The following LYRM4 variants were observed in gnomAD, a reference collection of about 807,000 sequenced individuals.
The protein encoded by LYRM4 is LYR motif containing 4.
A neutral mutation model predicts 11.7 loss-of-function variants in LYRM4; 9 were observed. The ratio of observed to expected loss-of-function variants is 0.77; its 90% confidence interval spans 0.46 to 1.34. The LOEUF (loss-of-function observed/expected upper bound fraction) is 1.34. LYRM4 is among the 40% of genes most tolerant of loss of function. LYRM4 has a pLI of 0.00. For missense variants in LYRM4, 133 were observed against 112.5 expected (o/e 1.18, Z -0.82); for synonymous variants, 42 against 40.4 (o/e 1.04, Z -0.15).
At chr6:5,130,085 G>C (rs1561816120) in intron 2 of LYRM4, among the ~76,000 whole-genome samples, 1 of 152,244 alleles carries the variant, frequency 6.6e-6, no homozygotes, top group Non-Finnish European at 1.5e-5. Context: ...AGAGGTACTA[G>C]AGAGAGGAAT....
intron 2 of LYRM4, among the ~76,000 whole-genome samples, chr6:5,120,574 C>T (rs112458114): frequency 0.014 from 2,077 of 152,310 alleles, 32 homozygotes; most frequent in South Asian, 0.086. Context: ...GTTGCTGCTG[C>T]TGGCTGGGGG....
At chr6:5,188,288 A>AG (rs1181745423) in intron 2 of LYRM4, among the ~76,000 whole-genome samples, 2 of 152,112 alleles carry the variant, frequency 1.3e-5, no homozygotes, top group African/African-American at 4.8e-5. Flanking sequence ...CTGAGGTGGG[A>AG]GGATCGCTTG....
At chr6:5,151,084 ATTTTTTTTT>A (rs10599613) in intron 2 of LYRM4, among the ~76,000 whole-genome samples, 2 of 136,744 alleles carry the variant, frequency 1.5e-5, no homozygotes, top group East Asian at 2.2e-4. Context: ...TTTGTTTTGA[ATTTTTTTTT>A]TTTTTTTTTG....
chr6:5,052,104 AGC>A, the LYRM4 span, among the ~76,000 whole-genome samples: 3 of 152,218 alleles, frequency 2.0e-5, no homozygotes, highest in Admixed American at 2.0e-4. Context: ...TCCAAACTGT[AGC>A]ACCTGCCTTG....
At chr6:5,235,218 T>C (rs960942224) in intron 1 of LYRM4, among the ~76,000 whole-genome samples, 1 of 152,112 alleles carries the variant, frequency 6.6e-6, no homozygotes, top group South Asian at 2.1e-4. Flanking sequence ...TTTTGGCTCA[T>C]GGCAACCTCC....
chr6:5,074,635 T>C, the LYRM4 span, among the ~76,000 whole-genome samples: 2 of 150,626 alleles, frequency 1.3e-5, no homozygotes, highest in Non-Finnish European at 2.9e-5. Flanking sequence ...TTTTTTTTTT[T>C]AATTATACTT....
In LYRM4 at chr6:5,249,028, G is replaced by T. The variant is rs553569590; in HGVS notation, c.86+11620C>A. On this transcript the variant is annotated intron_variant, in intron 1 of 2. Transcript: ENST00000330636. ...ATGGTTCAACAAATTTAACTGAATTGGCAAAGTGACGGTTAGCTATGAGAA... is the reference window on the plus strand; with the variant it reads ...ATGGTTCAACAAATTTAACTGAATTTGCAAAGTGACGGTTAGCTATGAGAA... Among the ~76,000 whole-genome samples, 31 of 152,362 alleles carry T rather than the reference G, an allele frequency of 2.0e-4. 1 individual carries two copies. Among genetic ancestry groups the T allele is most frequent in the African/African-American group, 7.5e-4 (31 of 41,578 alleles).
downstream of LYRM4, chr6:5,102,851 C>G (rs921378512): frequency 1.3e-5 from 2 of 152,246 alleles, no homozygotes; most frequent in Admixed American, 6.5e-5. Flanking sequence ...GACAGCACGA[C>G]ACTGACTTCG....
At chr6:5,148,449 G>GAATGGT (rs1757874000) in intron 2 of LYRM4, 1 of 164,382 alleles carries the variant, frequency 6.1e-6, no homozygotes. Context: ...TTAGAATTCT[G>GAATGGT]AATCGTAATC....
At chr6:5,198,514 G>A (rs1761203221) in intron 2 of LYRM4, among the ~76,000 whole-genome samples, 1 of 152,176 alleles carries the variant, frequency 6.6e-6, no homozygotes, top group Admixed American at 6.5e-5. Flanking sequence ...CATTACTCTT[G>A]TCCATCTGGA....
intron 1 of LYRM4, among the ~76,000 whole-genome samples, chr6:5,233,024 A>G (rs1002945978): frequency 6.6e-6 from 1 of 152,228 alleles, no homozygotes; most frequent in African/African-American, 2.4e-5. Flanking sequence ...TGTATTTATC[A>G]CAATACTTAA....
chr6:5,156,966 AAC>A (rs1188274218), intron 2 of LYRM4, among the ~76,000 whole-genome samples: 1 of 152,142 alleles, frequency 6.6e-6, no homozygotes, highest in Non-Finnish European at 1.5e-5. Flanking sequence ...GAGAAAAATA[AAC>A]ACACACCCCT....
intron 2 of LYRM4, chr6:5,138,882 T>A: frequency 1.7e-6 from 1 of 596,768 alleles, no homozygotes; most frequent in Non-Finnish European, 2.8e-6. Flanking sequence ...CCTTTAGACA[T>A]AGACATTTTG....
the LYRM4 span, among the ~76,000 whole-genome samples, chr6:5,045,055 A>G: frequency 6.6e-6 from 1 of 152,218 alleles, no homozygotes; most frequent in Non-Finnish European, 1.5e-5. Flanking sequence ...TGTTGGTGGC[A>G]TGCTGTAATC....
chr6:5,190,796 T>C (rs1029065504), intron 2 of LYRM4, among the ~76,000 whole-genome samples: 1 of 152,186 alleles, frequency 6.6e-6, no homozygotes, highest in East Asian at 1.9e-4. Flanking sequence ...ATTTCTTAGA[T>C]AATACAATCT....
At chr6:5,119,519 T>C (rs959889617) in intron 2 of LYRM4, among the ~76,000 whole-genome samples, 3 of 152,028 alleles carry the variant, frequency 2.0e-5, no homozygotes, top group African/African-American at 7.2e-5. Context: ...GGGTGTGGTG[T>C]CTCACACCTG....
intron 2 of LYRM4, among the ~76,000 whole-genome samples, chr6:5,129,922 T>C (rs1235536328): frequency 6.6e-6 from 1 of 152,196 alleles, no homozygotes; most frequent in East Asian, 1.9e-4. Context: ...AGCAGGGGTA[T>C]GGACGGGTGG....
At chr6:5,085,568 C>T in the LYRM4 span, 3 of 1,543,162 alleles carry the variant, frequency 1.9e-6, no homozygotes, top group African/African-American at 1.4e-5. Flanking sequence ...GAGGAGCTGC[C>T]CGCCCCGGTG....
At chr6:5,179,769 T>C (rs1202745379) in intron 2 of LYRM4, among the ~76,000 whole-genome samples, 1 of 152,236 alleles carries the variant, frequency 6.6e-6, no homozygotes, top group Non-Finnish European at 1.5e-5. Flanking sequence ...TCATTTCCTT[T>C]GAGTATATAG....
Sources: gnomAD v4.1 joint callset for allele counts (sites outside exome capture counted in the v4.1 genomes callset) on GRCh38, gnomAD v4.1.1 for gene constraint, MANE v1.5 for transcripts, NCBI Gene and HGNC (gene_info 2026-07-23, HGNC 2026-07-21) for gene names.